The following FMN1 variants were observed in gnomAD, a reference collection of about 807,000 sequenced individuals.
The protein encoded by FMN1 is formin-1.
In FMN1, 110 loss-of-function variants were observed where a neutral mutation model predicts 132.4. The ratio of observed to expected loss-of-function variants is 0.83; its 90% CI spans 0.71 to 0.97. FMN1 has a LOEUF of 0.97. Ranked by LOEUF, FMN1 falls within the 50% of genes least tolerant of loss-of-function variation. The pLI, the probability that FMN1 is intolerant of heterozygous loss-of-function variation, is 0.00. For synonymous variants in FMN1, 722 were observed against 651.7 expected, an observed-to-expected ratio of 1.11 and a Z score of -1.64; for missense variants, 1,792 against 1,705.3, an observed-to-expected ratio of 1.05 and a Z score of -0.90.
chr15:32,780,432 C>G (rs1383239967), intron 19 of FMN1, among the ~76,000 whole-genome samples: 1 of 152,206 alleles, frequency 6.6e-6, no homozygotes, highest in Non-Finnish European at 1.5e-5. Context: ...TGGCAATAGT[C>G]AGGAAGTTAC....
intron 6 of FMN1, among the ~76,000 whole-genome samples, chr15:33,026,599 A>G (rs559674258): frequency 5.8e-4 from 88 of 152,350 alleles, no homozygotes; most frequent in Admixed American, 1.6e-3. Context: ...TATAATGCAT[A>G]TATAAGCATT....
At chr15:33,112,791 G>A (rs574659968) in intron 4 of FMN1, among the ~76,000 whole-genome samples, 1 of 152,286 alleles carries the variant, frequency 6.6e-6, no homozygotes, top group South Asian at 2.1e-4. Context: ...TGGGTTGCTA[G>A]GAAGTGGTGT....
intron 2 of FMN1, among the ~76,000 whole-genome samples, chr15:33,193,374 C>G (rs954768729): frequency 6.6e-6 from 1 of 152,154 alleles, no homozygotes; most frequent in African/African-American, 2.4e-5. Context: ...TAAGATGCTA[C>G]CTGGTGTAGA....
chr15:33,007,998 C>T lies in FMN1; in HGVS notation c.2223+16G>A, dbSNP rs1180223048. On this transcript the variant is annotated intron_variant, in intron 7 of 20. Transcript: ENST00000616417. ...CAGTTCTATAGAACCCGTTCAGTAG[C>T]ATCAAAGAGGCATACCTGCAGGTTT... 18 of 1,590,120 alleles carry T rather than the reference C, an allele frequency of 1.1e-5. No homozygotes were observed. Among genetic ancestry groups the T allele is most frequent in the Non-Finnish European group, 1.5e-5 (17 of 1,165,830 alleles).
chr15:32,794,957 A>G (rs939495958), intron 19 of FMN1, among the ~76,000 whole-genome samples: 3 of 152,208 alleles, frequency 2.0e-5, no homozygotes, highest in Non-Finnish European at 2.9e-5. Context: ...GCACTTTGGG[A>G]GGCCAAGGCA....
At chr15:32,927,377 G>C (rs1287004340) in intron 9 of FMN1, among the ~76,000 whole-genome samples, 4 of 152,076 alleles carry the variant, frequency 2.6e-5, no homozygotes, top group Non-Finnish European at 5.9e-5. Context: ...GCACCCTCAC[G>C]AGTAGCAAGC....
chr15:32,923,906 G>A (rs2060892920), intron 10 of FMN1, among the ~76,000 whole-genome samples: 1 of 152,146 alleles, frequency 6.6e-6, no homozygotes, highest in Admixed American at 6.5e-5. Context: ...TACACATCAT[G>A]GTGATGAAAT....
At chr15:33,077,534 G>A (rs2038266209) in intron 5 of FMN1, among the ~76,000 whole-genome samples, 2 of 151,344 alleles carry the variant, frequency 1.3e-5, no homozygotes, top group Non-Finnish European at 2.9e-5. Flanking sequence ...TCCACAACAG[G>A]CCCCGGTGTG....
At chr15:33,012,038 A>G (rs183180254) in intron 6 of FMN1, 13 of 308,112 alleles carry the variant, frequency 4.2e-5, no homozygotes, top group African/African-American at 1.9e-4. Context: ...TTAGGCATAC[A>G]TAAGTAACAA....
At chr15:32,832,828 G>A (rs2058534926) in intron 17 of FMN1, among the ~76,000 whole-genome samples, 4 of 152,180 alleles carry the variant, frequency 2.6e-5, no homozygotes, top group South Asian at 2.1e-4. Flanking sequence ...CTGATGATAC[G>A]GGGGTTATTT....
intron 7 of FMN1, among the ~76,000 whole-genome samples, chr15:32,985,694 C>A (rs1291304864): frequency 2.0e-5 from 3 of 152,070 alleles, no homozygotes; most frequent in Non-Finnish European, 4.4e-5. Context: ...TTCAACAAAT[C>A]TGGCACTCTT....
At chr15:32,869,605 G>A (rs2059468528) in intron 16 of FMN1, among the ~76,000 whole-genome samples, 1 of 152,202 alleles carries the variant, frequency 6.6e-6, no homozygotes, top group Non-Finnish European at 1.5e-5. Flanking sequence ...GGTATTTAAA[G>A]TGATAGCAAA....
chr15:33,101,456 G>A (rs2039291382), intron 4 of FMN1, among the ~76,000 whole-genome samples: 1 of 145,526 alleles, frequency 6.9e-6, no homozygotes, highest in Non-Finnish European at 1.5e-5. Flanking sequence ...TAGCTGATGA[G>A]CTTAAGAAAA....
intron 6 of FMN1, among the ~76,000 whole-genome samples, chr15:33,062,449 G>A (rs866534489): frequency 2.6e-5 from 4 of 151,956 alleles, no homozygotes; most frequent in Admixed American, 6.6e-5. Context: ...GTGAAACCCC[G>A]TCTCTACTAA....
chr15:33,162,395 A>G (rs904550609), intron 3 of FMN1, among the ~76,000 whole-genome samples: 13 of 152,196 alleles, frequency 8.5e-5, no homozygotes, highest in African/African-American at 3.1e-4. Context: ...AAAGAGACCT[A>G]TAAGGTATCA....
intron 12 of FMN1, among the ~76,000 whole-genome samples, chr15:32,904,938 A>G (rs767286731): frequency 5.3e-5 from 8 of 152,128 alleles, no homozygotes; most frequent in Non-Finnish European, 8.8e-5. Context: ...AAATATTCCC[A>G]AGCATGGGAT....
intron 17 of FMN1, among the ~76,000 whole-genome samples, chr15:32,846,599 T>C (rs2058862501): frequency 6.6e-6 from 1 of 152,248 alleles, no homozygotes; most frequent in Non-Finnish European, 1.5e-5. Flanking sequence ...GGAATGCTTT[T>C]ACACTGTTGG....
chr15:32,999,175 C>A (rs1445184115), intron 7 of FMN1, among the ~76,000 whole-genome samples: 1 of 152,168 alleles, frequency 6.6e-6, no homozygotes, highest in Non-Finnish European at 1.5e-5. Context: ...CATCACATTT[C>A]ATACTTGTGA....
chr15:32,875,797 T>G (rs990621877), intron 16 of FMN1, among the ~76,000 whole-genome samples: 1 of 152,214 alleles, frequency 6.6e-6, no homozygotes, highest in Admixed American at 6.5e-5. Flanking sequence ...AAAAGTATTT[T>G]GATATTCACA....
Sources: gnomAD v4.1 joint callset for allele counts (sites outside exome capture counted in the v4.1 genomes callset) on GRCh38, gnomAD v4.1.1 for gene constraint, MANE v1.5 for transcripts, NCBI Gene and HGNC (gene_info 2026-07-23, HGNC 2026-07-21) for gene names.